PKM: variants seen among roughly 807,000 people sequenced by gnomAD.
PKM encodes pyruvate kinase PKM.
A neutral mutation model predicts 49.8 loss-of-function variants in PKM; 18 were observed. That is an observed-to-expected ratio of 0.36 (90% CI 0.25 to 0.54). PKM has a LOEUF of 0.54. Among genes scored for constraint, PKM ranks in the 20% least tolerant of loss-of-function variants. The pLI is 0.89. For missense variants in PKM, 508 were observed against 713.8 expected, an observed-to-expected ratio of 0.71 and a Z score of 3.28; for synonymous variants, 239 against 261.8, an observed-to-expected ratio of 0.91 and a Z score of 0.84.
At position 72,200,161 on chromosome 15, in the gene PKM, C is replaced by T. The variant is rs187014649; in HGVS notation, c.1489+313G>A. On this transcript the variant is annotated intron_variant, in intron 10 of 10. Transcript: ENST00000335181. This position sits in a 1 kb window ranked among gnomAD's most constrained non-coding sequence, Gnocchi z 4.6. ...AAAAAAACAAAAAACAAAAAAAACTCTCAGTAATGAGCAGATGCCAAAAAA... is the reference window on the plus strand; with the variant it reads ...AAAAAAACAAAAAACAAAAAAAACTTTCAGTAATGAGCAGATGCCAAAAAA... Among the ~76,000 whole-genome samples, 49 of 152,164 alleles carry T rather than the reference C, an allele frequency of 3.2e-4. No homozygotes were observed. Among genetic ancestry groups the T allele is most frequent in the Non-Finnish European group, 5.9e-4 (40 of 68,014 alleles).
chr15:72,204,719 T>G (rs1038267505), intron 8 of PKM, among the ~76,000 whole-genome samples: 1 of 152,200 alleles, frequency 6.6e-6, no homozygotes, highest in Non-Finnish European at 1.5e-5. Flanking sequence ...TCTAATCCAT[T>G]TTACAGATGA....
chr15:72,214,794 C>CTAAATAAA (rs60170895), intron 3 of PKM, among the ~76,000 whole-genome samples: 2,225 of 151,654 alleles, frequency 0.015, 30 homozygotes, highest in African/African-American at 0.027. Context: ...GACTCCCTCT[C>CTAAATAAA]TAAATAAATA....
At chr15:72,218,676 C>T (rs1019182809) in intron 2 of PKM, among the ~76,000 whole-genome samples, 1 of 151,726 alleles carries the variant, frequency 6.6e-6, no homozygotes, top group South Asian at 2.1e-4. Context: ...AATCCTCCCA[C>T]GTTGGCCTCC....
At chr15:72,212,932 G>A (rs535841989) in intron 3 of PKM, among the ~76,000 whole-genome samples, 101 of 152,062 alleles carry the variant, frequency 6.6e-4, no homozygotes, top group Non-Finnish European at 9.4e-4. Context: ...AAAATTAGCC[G>A]GGCGTGGTAG....
chr15:72,199,716 A>G lies in PKM; in HGVS notation c.1530T>C (p.Ile510=), dbSNP rs748426258. The change falls in exon 11 of 11, where the codon ATT becomes ATC. Residue 510 remains isoleucine (I), a synonymous_variant. Coordinates refer to ENST00000335181, the MANE Select transcript of PKM (RefSeq NM_002654.6). ...RGFFKKGDVV[I]VLTGWRPGSG... is the part of the protein sequence containing the mutation. ...AGCCAGGGCGCCATCCGGTCAGCAC[A>G]ATGACCACATCTCCCTTCTTGAAGA... 2.5e-6 allele frequency: 4 copies of G among 1,614,038 alleles called. No individual in the cohort carries two copies. In the South Asian group the frequency reaches 4.4e-5, roughly 18 times the overall value.
intron 1 of PKM, among the ~76,000 whole-genome samples, chr15:72,223,759 G>A (rs1348353670): frequency 6.6e-6 from 1 of 152,120 alleles, no homozygotes; most frequent in Non-Finnish European, 1.5e-5. Context: ...GCATATGGGT[G>A]CAGGATACAG....
intron 8 of PKM, chr15:72,204,376 T>C (rs753282183): frequency 1.3e-5 from 2 of 152,214 alleles, no homozygotes; most frequent in African/African-American, 4.8e-5. Flanking sequence ...AGCCCTAAAG[T>C]ATCTATCTGT....
chr15:72,200,213 C>A lies in PKM; in HGVS notation c.1489+261G>T, dbSNP rs2081907774. Reference sequence around the variant, plus strand: ...GGACAATTTTGCTTTGAGCCCCAGACTAGAAGAGAAGAGGAACTGAATTGC... The same window carrying A: ...GGACAATTTTGCTTTGAGCCCCAGAATAGAAGAGAAGAGGAACTGAATTGC... On this transcript the variant is annotated intron_variant, in intron 10 of 10. Transcript: ENST00000335181. This position sits in a 1 kb window ranked among gnomAD's most constrained non-coding sequence, Gnocchi z 4.6. Among the ~76,000 whole-genome samples, 1 of 152,150 alleles carries A rather than the reference C, an allele frequency of 6.6e-6. No homozygotes were observed. The highest frequency in any genetic ancestry group is 1.5e-5 in the Non-Finnish European group (1 of 68,020).
At chr15:72,225,045 C>T (rs867340409) in intron 1 of PKM, among the ~76,000 whole-genome samples, 1 of 149,236 alleles carries the variant, frequency 6.7e-6, no homozygotes, top group African/African-American at 2.4e-5. Flanking sequence ...CCTCAGCCTC[C>T]TGAGTAGCTG....
At chr15:72,225,626 T>A (rs1450762114) in intron 1 of PKM, among the ~76,000 whole-genome samples, 1 of 152,226 alleles carries the variant, frequency 6.6e-6, no homozygotes, top group Non-Finnish European at 1.5e-5. Context: ...ACTGTATATA[T>A]CACTGAGTAA....
chr15:72,199,297 G>A lies in PKM; in HGVS notation c.*353C>T, dbSNP rs1323681262. The A allele has an allele frequency of 4.8e-6, 2 of 416,812 alleles. No homozygotes were observed. The highest frequency in any genetic ancestry group is 9.3e-6 in the Non-Finnish European group (2 of 215,606). 25.8% of individuals were successfully genotyped at this position (416,812 alleles called of 1,614,324 possible). A position where few individuals can be genotyped will look rare whatever the true frequency, so the allele number is the denominator to read the frequency against. On this transcript the variant is annotated 3_prime_UTR_variant, in exon 11 of 11. Coordinates refer to ENST00000335181, the MANE Select transcript of PKM (RefSeq NM_002654.6). ...TGGCTGTTTCTTGACCCCAAGCCAG[G>A]GTTGGGAGTCCTCTGGGCATCCATT...
rs200103010 is a variant in PKM, at chr15:72,200,497, C to T, written c.1466G>A (p.Arg489Gln). The change falls in exon 10 of 11, where the codon CGG becomes CAG. Residue 489 changes from arginine to glutamine, a missense_variant. Coordinates refer to ENST00000335181, the MANE Select transcript of PKM (RefSeq NM_002654.6). The surrounding 1 kb of genome is among the most constrained non-coding windows in gnomAD (Gnocchi z 4.6). The part of the protein sequence containing the change: ...QEAWAEDVDL[R>Q]VNFAMNVGKA... ...ACCAACATTCATGGCAAAGTTCACC[C>T]GGAGGTCCACGTCCTCAGCCCAGGC... 2.5e-6 allele frequency: 4 copies of T among 1,613,650 alleles called. No homozygotes were observed. Among genetic ancestry groups the T allele is most frequent in the Non-Finnish European group, 2.5e-6 (3 of 1,179,846 alleles).
At chr15:72,201,022 T>C (rs1596715894) in intron 9 of PKM, 1 of 208,082 alleles carries the variant, frequency 4.8e-6, no homozygotes, top group African/African-American at 2.3e-5. Context: ...CCCATTCCTC[T>C]CGCTGCCAAT....
intron 3 of PKM, 62 bp downstream of exon 3, chr15:72,217,347 T>A (rs936965079): frequency 4.0e-6 from 4 of 991,046 alleles, no homozygotes; most frequent in South Asian, 2.5e-5. Flanking sequence ...AAACGAACAC[T>A]GCACCCCCTC....
chr15:72,229,637 G>A (rs2140833199), intron 1 of PKM: 1 of 1,260,428 alleles, frequency 7.9e-7, no homozygotes. Flanking sequence ...GACCTTACGA[G>A]GCTTCCTGTC....
In PKM at chr15:72,200,342, C is replaced by T. The variant is rs1021364766; in HGVS notation, c.1489+132G>A. The T allele has an allele frequency of 1.7e-5, 13 of 776,190 alleles. No homozygotes were observed. The highest frequency in any genetic ancestry group is 4.0e-5 in the Admixed American group (2 of 50,260). The allele number at this position is 776,190 out of a possible 1,614,324, so 48.1% of individuals were successfully genotyped here. On this transcript the variant is annotated intron_variant, in intron 10 of 10. Coordinates refer to ENST00000335181, the MANE Select transcript of PKM (RefSeq NM_002654.6). The surrounding 1 kb of genome is among the most constrained non-coding windows in gnomAD (Gnocchi z 4.6). Reference sequence around the variant, plus strand: ...ATTCCCAATAAGGGAGAGGAACAGTCGCTGGGCCTTTTGCCCCACTAAGGT... The same window carrying T: ...ATTCCCAATAAGGGAGAGGAACAGTTGCTGGGCCTTTTGCCCCACTAAGGT...
At chr15:72,228,024 T>C (rs796812389) in intron 1 of PKM, among the ~76,000 whole-genome samples, 7 of 152,328 alleles carry the variant, frequency 4.6e-5, no homozygotes, top group African/African-American at 1.7e-4. Flanking sequence ...CCAAATTTGC[T>C]AAGTCACTGG....
At chr15:72,228,370 T>C (rs951491581) in intron 1 of PKM, among the ~76,000 whole-genome samples, 4 of 133,448 alleles carry the variant, frequency 3.0e-5, no homozygotes, top group African/African-American at 5.5e-5. Flanking sequence ...TTTTAATTAG[T>C]TGTGGCTTTT....
chr15:72,208,884 G>A lies in PKM; in HGVS notation c.573C>T (p.Asp191=). The change falls in exon 6 of 11, where the codon GAC becomes GAT. Residue 191 remains aspartate, a synonymous_variant. Transcript: ENST00000335181. Reference sequence around the variant, plus strand: ...CATTTTCCACCTCCGTCACCAGGAAGTCGGCACCTGTATGAAAAAGGGTAA... The same window carrying A: ...CATTTTCCACCTCCGTCACCAGGAAATCGGCACCTGTATGAAAAAGGGTAA... The part of the protein sequence containing the change: ...ISLQVKQKGA[D]FLVTEVENGG... The A allele has an allele frequency of 6.2e-7, 1 of 1,613,816 alleles. No homozygotes were observed. The highest frequency in any genetic ancestry group is 1.1e-5 in the South Asian group (1 of 91,048).
Sources: gnomAD v4.1 joint callset for allele counts (sites outside exome capture counted in the v4.1 genomes callset) on GRCh38, gnomAD v4.1.1 for gene constraint, Gnocchi (gnomAD v3.1) non-coding constraint, MANE v1.5 for transcripts, NCBI Gene and HGNC (gene_info 2026-07-23, HGNC 2026-07-21) for gene names.